Variants in PRR5 observed in about 807,000 individuals in gnomAD.
PRR5 encodes the protein proline rich 5.
A neutral mutation model predicts 30.6 loss-of-function variants in PRR5; 25 were observed. The ratio of observed to expected loss-of-function variants is 0.82; its 90% CI spans 0.60 to 1.14. PRR5 has a LOEUF of 1.14. PRR5 is among the 50% of genes most tolerant of loss of function. The pLI is 0.00. For synonymous variants in PRR5, 286 were observed against 247.1 expected, an observed-to-expected ratio of 1.16 and a Z score of -1.48; for missense variants, 600 against 547.1, an observed-to-expected ratio of 1.10 and a Z score of -0.96.
upstream of PRR5, among the ~76,000 whole-genome samples, chr22:44,674,550 G>A (rs565423917): frequency 1.1e-3 from 163 of 151,010 alleles, no homozygotes; most frequent in African/African-American, 3.7e-3. Context: ...GTGAAACCCC[G>A]TCTCCACTAA....
chr22:44,712,523 G>A (rs5764970), intron 1 of PRR5, among the ~76,000 whole-genome samples: 53,774 of 152,114 alleles, frequency 0.35, 10,014 homozygotes, highest in South Asian at 0.48. Context: ...AAGGAGCACA[G>A]GGGAGTTCAG....
chr22:44,700,854 G>C (rs1926203398), upstream of PRR5, among the ~76,000 whole-genome samples: 1 of 152,088 alleles, frequency 6.6e-6, no homozygotes, highest in African/African-American at 2.4e-5. Flanking sequence ...TCTTCATGAG[G>C]CTCTCTTACT....
upstream of PRR5, among the ~76,000 whole-genome samples, chr22:44,673,938 G>A (rs1023041564): frequency 3.9e-5 from 6 of 152,286 alleles, no homozygotes; most frequent in East Asian, 3.9e-4. Flanking sequence ...CCTTGGGGTG[G>A]ACAAATCCTC....
chr22:44,676,348 G>A (rs940236498), upstream of PRR5, among the ~76,000 whole-genome samples: 5 of 126,080 alleles, frequency 4.0e-5, no homozygotes, highest in African/African-American at 9.5e-5. Context: ...CTGTGATTGC[G>A]CCACTGCTTT....
chr22:44,707,300 G>C (rs575979887), intron 1 of PRR5, among the ~76,000 whole-genome samples: 1 of 152,198 alleles, frequency 6.6e-6, no homozygotes, highest in Non-Finnish European at 1.5e-5. Flanking sequence ...AGGAGTGGCC[G>C]GCCACTGGGG....
intron 4 of PRR5, among the ~76,000 whole-genome samples, chr22:44,728,283 G>A (rs564031739): frequency 6.6e-6 from 1 of 152,354 alleles, no homozygotes; most frequent in East Asian, 1.9e-4. Flanking sequence ...CCATGTAGCT[G>A]CAGACACAGG....
chr22:44,696,008 C>T (rs1925717985), intron 1 of PRR5, among the ~76,000 whole-genome samples: 1 of 138,494 alleles, frequency 7.2e-6, no homozygotes, highest in Non-Finnish European at 1.5e-5. Flanking sequence ...ACTGAAACCT[C>T]CACCTCCCAG....
chr22:44,732,760 G>T (rs11912031), intron 6 of PRR5, among the ~76,000 whole-genome samples: 6 of 145,996 alleles, frequency 4.1e-5, no homozygotes, highest in Non-Finnish European at 6.0e-5. Flanking sequence ...GCACGCACAC[G>T]CTACACACAT....
At position 44,702,263 on chromosome 22, in the gene PRR5, TCCGTGCAATGATTAAC is replaced by T. The variant is rs918508301; in HGVS notation, c.-208_-193del. 543 of 1,141,028 alleles carry T rather than the reference TCCGTGCAATGATTAAC, an allele frequency of 4.8e-4. 1 individual carries two copies. In the African/African-American group the frequency reaches 8.5e-3, roughly 18 times the overall value. 70.7% of individuals were successfully genotyped at this position (1,141,028 alleles called of 1,614,324 possible). A position where few individuals can be genotyped will look rare whatever the true frequency, so the allele number is the denominator to read the frequency against. On this transcript the variant is annotated 5_prime_UTR_variant, in exon 1 of 8. It removes an upstream start codon present in the reference 5' UTR. Coordinates refer to ENST00000336985, the MANE Select transcript of PRR5 (RefSeq NM_181333.4). ...CGCCTGGCGCTCCACGCTGAGCCTC[TCCGTGCAATGATTAAC>T]CCGGCGGGGCGGCCGGCGCGGGACC...
intron 1 of PRR5, among the ~76,000 whole-genome samples, chr22:44,692,057 C>T (rs1358782351): frequency 6.6e-6 from 1 of 152,150 alleles, no homozygotes; most frequent in Non-Finnish European, 1.5e-5. Flanking sequence ...TCATTCCTGC[C>T]TCCCAGGGCT....
chr22:44,681,406 G>A (rs1924271262), intron 1 of PRR5, among the ~76,000 whole-genome samples: 1 of 152,134 alleles, frequency 6.6e-6, no homozygotes, highest in African/African-American at 2.4e-5. Flanking sequence ...TGGCCAACAT[G>A]GTGAAACCCT....
At chr22:44,720,606 C>A (rs901566956) in intron 2 of PRR5, among the ~76,000 whole-genome samples, 1 of 152,236 alleles carries the variant, frequency 6.6e-6, no homozygotes, top group South Asian at 2.1e-4. Context: ...CCACTACTTA[C>A]ACGCTTGGGA....
chr22:44,687,394 G>A (rs1924844109), intron 1 of PRR5, among the ~76,000 whole-genome samples: 1 of 152,142 alleles, frequency 6.6e-6, no homozygotes, highest in Non-Finnish European at 1.5e-5. Flanking sequence ...GCCTACGGCT[G>A]TCACAGGCCT....
intron 4 of PRR5, chr22:44,729,649 C>T (rs988704757): frequency 9.1e-6 from 9 of 985,468 alleles, no homozygotes; most frequent in Non-Finnish European, 1.1e-5. Flanking sequence ...CCGACTAACC[C>T]TACTGCCCCA....
At chr22:44,710,486 A>G (rs751915721) in intron 1 of PRR5, among the ~76,000 whole-genome samples, 1 of 152,152 alleles carries the variant, frequency 6.6e-6, no homozygotes, top group South Asian at 2.1e-4. Flanking sequence ...AGAAGCCATG[A>G]CATTTACACA....
At chr22:44,678,227 A>C (rs1480710744) in intron 1 of PRR5, among the ~76,000 whole-genome samples, 2 of 147,632 alleles carry the variant, frequency 1.4e-5, no homozygotes, top group East Asian at 2.0e-4. Flanking sequence ...GTTCCTGCTC[A>C]CTCTCAGCCT....
chr22:44,673,229 C>T (rs1056114545), upstream of PRR5, among the ~76,000 whole-genome samples: 2 of 152,190 alleles, frequency 1.3e-5, no homozygotes, highest in African/African-American at 2.4e-5. Flanking sequence ...CGAGTTCTGG[C>T]CCTGGTTCCA....
chr22:44,732,873 A>G (rs1230846765), intron 6 of PRR5, among the ~76,000 whole-genome samples: 1 of 146,092 alleles, frequency 6.8e-6, no homozygotes, highest in African/African-American at 2.7e-5. Context: ...CATACTACAC[A>G]CTGCACACAC....
At position 44,691,321 on chromosome 22, in the gene PRR5, A is replaced by C. The variant is rs1488684469; in HGVS notation, c.-10-11171A>C. 3.3e-5 allele frequency among the ~76,000 whole-genome samples: 5 copies of C among 152,230 alleles called. No individual in the cohort carries two copies. In the East Asian group the frequency reaches 7.8e-4, roughly 24 times the overall value. Reference sequence around the variant, plus strand: ...GGTGACGTCAGGACTCAGAACCTCCATGTCCACCTCGGTGGCACGGAGAGG... The same window carrying C: ...GGTGACGTCAGGACTCAGAACCTCCCTGTCCACCTCGGTGGCACGGAGAGG... On this transcript the variant is annotated intron_variant, in intron 1 of 8. Transcript: ENST00000006251. The surrounding 1 kb of genome is among the most constrained non-coding windows in gnomAD (Gnocchi z 4.4).
Sources: gnomAD v4.1 joint callset for allele counts (sites outside exome capture counted in the v4.1 genomes callset) on GRCh38, gnomAD v4.1.1 for gene constraint, Gnocchi (gnomAD v3.1) non-coding constraint, MANE v1.5 for transcripts, NCBI Gene and HGNC (gene_info 2026-07-23, HGNC 2026-07-21) for gene names.